Variants in PIBF1 observed in about 807,000 individuals in gnomAD.
The protein encoded by PIBF1 is progesterone-induced-blocking factor 1.
In PIBF1, 90 loss-of-function variants were observed where a neutral mutation model predicts 112.5. That is an observed-to-expected ratio of 0.80 (90% CI 0.67 to 0.95). The LOEUF (loss-of-function observed/expected upper bound fraction) is 0.95. Among genes scored for constraint, PIBF1 ranks in the 40% least tolerant of loss-of-function variants. The pLI is 0.00. For missense variants in PIBF1, 915 were observed against 852.3 expected, an observed-to-expected ratio of 1.07 and a Z score of -0.92; for synonymous variants, 301 against 288.6, an observed-to-expected ratio of 1.04 and a Z score of -0.44.
intron 16 of PIBF1, among the ~76,000 whole-genome samples, chr13:72,990,496 G>A (rs1182790029): frequency 1.4e-5 from 2 of 146,006 alleles, no homozygotes; most frequent in African/African-American, 2.6e-5. Context: ...ACTCCAGCCT[G>A]TGTGACAGAG....
chr13:72,972,069 C>G (rs1048869167), intron 15 of PIBF1, among the ~76,000 whole-genome samples: 2 of 151,598 alleles, frequency 1.3e-5, no homozygotes, highest in Non-Finnish European at 2.9e-5. Context: ...GAGCCTCACT[C>G]TGTCTCCCAG....
Position 72,826,218 on chromosome 13 carries a change from T to G in PIBF1, c.807-792T>G, listed in dbSNP as rs1593987728. On this transcript the variant is annotated intron_variant, in intron 6 of 17. Coordinates refer to ENST00000326291, the MANE Select transcript of PIBF1 (RefSeq NM_006346.4). The stretch of plus-strand genomic sequence containing the variant: ...AATACTGATAGTCATCTTTACTTAT[T>G]GGGTTTGTAGGTGATTGTTATTTTG... Among the ~76,000 whole-genome samples, 3 of 152,290 alleles carry G rather than the reference T, an allele frequency of 2.0e-5. No homozygotes were observed. The South Asian group carries it at 6.2e-4, about 32-fold the overall frequency.
At chr13:72,986,951 A>G (rs982042451) in intron 16 of PIBF1, among the ~76,000 whole-genome samples, 2 of 151,414 alleles carry the variant, frequency 1.3e-5, no homozygotes, top group Admixed American at 6.6e-5. Flanking sequence ...TCGGCCTCCC[A>G]AAGTGCTGGG....
At chr13:72,827,280 T>C (rs2036862184) in intron 7 of PIBF1, among the ~76,000 whole-genome samples, 162 bp downstream of exon 7, 1 of 134,644 alleles carries the variant, frequency 7.4e-6, no homozygotes, top group Non-Finnish European at 1.5e-5. Context: ...CAGGAGTCTT[T>C]CCCTGTTGAC....
At chr13:72,783,298 T>C (rs2034396810) in intron 1 of PIBF1, 125 bp from the exon 2 acceptor site, 3 of 536,770 alleles carry the variant, frequency 5.6e-6, no homozygotes. Context: ...TAATCTGTTC[T>C]AGATTTGGGA....
At chr13:72,921,971 A>G (rs1276843575) in intron 13 of PIBF1, among the ~76,000 whole-genome samples, 1 of 152,128 alleles carries the variant, frequency 6.6e-6, no homozygotes, top group African/African-American at 2.4e-5. Flanking sequence ...CCCCCCAAAC[A>G]TGAAACTTTC....
chr13:72,980,897 T>G (rs984502769), intron 16 of PIBF1, among the ~76,000 whole-genome samples: 1 of 151,928 alleles, frequency 6.6e-6, no homozygotes, highest in Admixed American at 6.6e-5. Context: ...AGGCAATCCT[T>G]AGAATATTTG....
At chr13:72,888,347 T>A (rs1394485746) in intron 10 of PIBF1, among the ~76,000 whole-genome samples, 2 of 152,094 alleles carry the variant, frequency 1.3e-5, no homozygotes, top group Non-Finnish European at 2.9e-5. Context: ...TAGCAAACAT[T>A]TATAGAGAAT....
chr13:73,009,752 A>G (rs1399003505), intron 17 of PIBF1, among the ~76,000 whole-genome samples: 1 of 152,178 alleles, frequency 6.6e-6, no homozygotes, highest in Non-Finnish European at 1.5e-5. Context: ...TCACCCTATG[A>G]AGTAGCAAGG....
At chr13:72,966,283 A>T (rs1443004526) in intron 15 of PIBF1, among the ~76,000 whole-genome samples, 1 of 152,202 alleles carries the variant, frequency 6.6e-6, no homozygotes, top group Admixed American at 6.5e-5. Flanking sequence ...AATGAATCAC[A>T]GTAATTACCT....
chr13:72,936,796 T>C lies in PIBF1; in HGVS notation c.1833+5529T>C, dbSNP rs530261215. On this transcript the variant is annotated intron_variant, in intron 14 of 17. Coordinates refer to ENST00000326291, the MANE Select transcript of PIBF1 (RefSeq NM_006346.4). ...ATTTCTATATGAATTCTATCATCAG[T>C]TTGTTAATTTTTTTTTCAAAAACTA... Among the ~76,000 whole-genome samples the C allele has an allele frequency of 2.0e-5, 3 of 152,280 alleles. No individual in the cohort carries two copies. The East Asian group carries it at 5.8e-4, about 29-fold the overall frequency.
Position 72,928,047 on chromosome 13 carries a change from A to G in PIBF1, c.1731-3118A>G, listed in dbSNP as rs142154861. Among the ~76,000 whole-genome samples, 1,154 of 139,870 alleles carry G rather than the reference A, an allele frequency of 8.3e-3. 14 individuals are homozygous for G. Among genetic ancestry groups the G allele is most frequent in the Middle Eastern group, 0.015 (4 of 270 alleles). 91.8% of individuals were successfully genotyped at this position (139,870 alleles called of 152,430 possible). On this transcript the variant is annotated intron_variant, in intron 13 of 17. Coordinates refer to ENST00000326291, the MANE Select transcript of PIBF1 (RefSeq NM_006346.4). Reference sequence around the variant, plus strand: ...TATACATATATATATATATATATACATATATATATGAGGAAATGTGTTTTA... The same window carrying G: ...TATACATATATATATATATATATACGTATATATATGAGGAAATGTGTTTTA...
chr13:72,813,906 T>C (rs1407646243), intron 5 of PIBF1, among the ~76,000 whole-genome samples: 2 of 152,098 alleles, frequency 1.3e-5, no homozygotes, highest in Non-Finnish European at 2.9e-5. Context: ...CTAGAAATAG[T>C]GTGAGAGAAC....
chr13:72,929,612 T>C (rs1243088011), intron 13 of PIBF1, among the ~76,000 whole-genome samples: 1 of 152,128 alleles, frequency 6.6e-6, no homozygotes, highest in Non-Finnish European at 1.5e-5. Flanking sequence ...AATTGTACAC[T>C]TTAAATTGGT....
chr13:72,995,434 C>T (rs983855012), intron 16 of PIBF1, among the ~76,000 whole-genome samples: 1 of 151,970 alleles, frequency 6.6e-6, no homozygotes, highest in Admixed American at 6.6e-5. Context: ...GACATGGGTG[C>T]ATAAATAGAC....
chr13:72,958,814 G>A (rs1033640936), intron 14 of PIBF1, among the ~76,000 whole-genome samples: 2 of 152,086 alleles, frequency 1.3e-5, no homozygotes, highest in African/African-American at 2.4e-5. Flanking sequence ...AGTTCAAGAC[G>A]TAAAATGATT....
At chr13:72,928,028 T>TATACATATATATATACACATATATATAC (rs1566458687) in intron 13 of PIBF1, among the ~76,000 whole-genome samples, 3 of 58,870 alleles carry the variant, frequency 5.1e-5, no homozygotes, top group African/African-American at 1.5e-4. Context: ...TATATATACA[T>TATACATATATATATACACATATATATAC]ATATATATAT....
chr13:72,830,904 AT>A (rs1217926247), intron 8 of PIBF1, among the ~76,000 whole-genome samples: 3 of 151,126 alleles, frequency 2.0e-5, no homozygotes, highest in African/African-American at 2.4e-5. Flanking sequence ...CTCATCCTGG[AT>A]TTTTTTTTGG....
intron 17 of PIBF1, among the ~76,000 whole-genome samples, chr13:73,010,466 G>C (rs1367878613): frequency 3.9e-5 from 6 of 151,958 alleles, no homozygotes; most frequent in Non-Finnish European, 5.9e-5. Context: ...AGCCAGGGGT[G>C]GTGGTGCATG....
Sources: gnomAD v4.1 joint callset for allele counts (sites outside exome capture counted in the v4.1 genomes callset) on GRCh38, gnomAD v4.1.1 for gene constraint, MANE v1.5 for transcripts, NCBI Gene and HGNC (gene_info 2026-07-23, HGNC 2026-07-21) for gene names.